MRPS6: variants seen among roughly 807,000 people sequenced by gnomAD.
The protein encoded by MRPS6 is mitochondrial ribosomal protein S6, also known as small ribosomal subunit protein bS6m.
In MRPS6, 6 loss-of-function variants were observed where a neutral mutation model predicts 13.1. The observed-to-expected ratio is 0.46, with a 90% CI of 0.25 to 0.91. The LOEUF (loss-of-function observed/expected upper bound fraction) is 0.91. Ranked by LOEUF, MRPS6 falls within the 40% of genes least tolerant of loss-of-function variation. The probability of loss-of-function intolerance (pLI) is 0.18; values close to 1 mark genes in which losing one functional copy is unlikely to be tolerated. For missense variants in MRPS6, 164 were observed against 155.6 expected, an observed-to-expected ratio of 1.05 and a Z score of -0.29; for synonymous variants, 61 against 56.5, an observed-to-expected ratio of 1.08 and a Z score of -0.36.
chr21:34,082,456 G>A (rs1989480715), intron 1 of MRPS6, among the ~76,000 whole-genome samples: 1 of 151,992 alleles, frequency 6.6e-6, no homozygotes, highest in African/African-American at 2.4e-5. Flanking sequence ...AGTACTATTT[G>A]GTTTGTACCC....
chr21:34,107,360 A>G (rs1569420270), intron 1 of MRPS6, among the ~76,000 whole-genome samples: 1 of 152,236 alleles, frequency 6.6e-6, no homozygotes, highest in East Asian at 1.9e-4. Flanking sequence ...AAGTGATGCT[A>G]CATCCCTAAA....
chr21:34,086,690 G>C (rs910836439), intron 1 of MRPS6, among the ~76,000 whole-genome samples: 1 of 152,144 alleles, frequency 6.6e-6, no homozygotes, highest in African/African-American at 2.4e-5. Flanking sequence ...TCTGCCTCTT[G>C]GGGTTTTTGT....
At chr21:34,118,761 C>T (rs1031560698) in intron 1 of MRPS6, among the ~76,000 whole-genome samples, 35 of 152,046 alleles carry the variant, frequency 2.3e-4, no homozygotes, top group Non-Finnish European at 2.4e-4. Flanking sequence ...GTGATCTGCC[C>T]GCCTTGGCAT....
chr21:34,112,714 C>T (rs553830666), intron 1 of MRPS6, among the ~76,000 whole-genome samples: 1 of 152,062 alleles, frequency 6.6e-6, no homozygotes, highest in African/African-American at 2.4e-5. Flanking sequence ...AGCTCCCAAT[C>T]CCCCCTCCCC....
chr21:34,126,975 G>A (rs762562389), intron 2 of MRPS6, among the ~76,000 whole-genome samples: 32 of 152,214 alleles, frequency 2.1e-4, no homozygotes, highest in Non-Finnish European at 3.4e-4. Context: ...GTGGGTAGCC[G>A]TTTCTCTTTA....
intron 1 of MRPS6, among the ~76,000 whole-genome samples, chr21:34,081,715 C>G (rs530750774): frequency 1.3e-5 from 2 of 152,208 alleles, no homozygotes; most frequent in African/African-American, 4.8e-5. Context: ...GTTATGTGAC[C>G]TTGGAGGTAG....
In MRPS6 at chr21:34,096,632, T is replaced by C. The variant is rs368456491; in HGVS notation, c.45+22887T>C. 9 of 1,614,050 alleles carry C rather than the reference T, an allele frequency of 5.6e-6. No homozygotes were observed. The highest frequency in any genetic ancestry group is 6.8e-6 in the Non-Finnish European group (8 of 1,179,998). ...CTTTCTATGGTGGAATGGCTGGCTTTGTTCTTGGAGCAGTCCGTTTGATAC... is the reference window on the plus strand; with the variant it reads ...CTTTCTATGGTGGAATGGCTGGCTTCGTTCTTGGAGCAGTCCGTTTGATAC... On this transcript the variant is annotated intron_variant, in intron 1 of 2. Transcript: ENST00000399312. The surrounding 1 kb of genome is among the most constrained non-coding windows in gnomAD (Gnocchi z 5.9).
chr21:34,101,261 T>G, intron 1 of MRPS6: 1 of 1,000,210 alleles, frequency 1.0e-6, no homozygotes, highest in Non-Finnish European at 1.2e-6. Context: ...TGAAGCACCT[T>G]GGCTCTCAGC....
At chr21:34,090,066 C>G (rs570192214) in intron 1 of MRPS6, among the ~76,000 whole-genome samples, 1 of 152,248 alleles carries the variant, frequency 6.6e-6, no homozygotes, top group African/African-American at 2.4e-5. Context: ...AGCATCATGT[C>G]AGTTCTCAAA....
At chr21:34,090,766 G>C (rs746550010) in intron 1 of MRPS6, among the ~76,000 whole-genome samples, 3 of 152,204 alleles carry the variant, frequency 2.0e-5, no homozygotes, top group Non-Finnish European at 4.4e-5. Context: ...AAGCCAGACA[G>C]TTGAGACTTG....
intron 1 of MRPS6, among the ~76,000 whole-genome samples, chr21:34,083,695 A>G (rs916043897): frequency 5.3e-5 from 8 of 152,310 alleles, no homozygotes; most frequent in Admixed American, 3.9e-4. Flanking sequence ...CCAAGTTTCC[A>G]TTAGGCAGCC....
At chr21:34,088,324 G>C (rs1978502658) in intron 1 of MRPS6, among the ~76,000 whole-genome samples, 1 of 152,188 alleles carries the variant, frequency 6.6e-6, no homozygotes, top group Admixed American at 6.5e-5. Flanking sequence ...GTTGAACTTG[G>C]ATGGTGAGAA....
rs114679974 is a variant in MRPS6 at position 34,094,620 on chromosome 21, T to G, written c.45+20875T>G. On this transcript the variant is annotated intron_variant, in intron 1 of 2. Transcript: ENST00000399312. ...CAGTTAGCTGCTGAAGTTAGGCCAC[T>G]TAGTTATGAGGTAGATGAATTTCTG... Among the ~76,000 whole-genome samples the G allele has an allele frequency of 7.6e-3, 1,153 of 152,352 alleles. 16 individuals are homozygous for G. Among genetic ancestry groups the G allele is most frequent in the African/African-American group, 0.026 (1,096 of 41,580 alleles).
chr21:34,104,504 A>AT, intron 1 of MRPS6: 1 of 995,668 alleles, frequency 1.0e-6, no homozygotes, highest in Non-Finnish European at 1.2e-6. Flanking sequence ...CTTTTATATA[A>AT]TTATCCTTTT....
At chr21:34,077,814 T>C (rs1989369509) in intron 1 of MRPS6, among the ~76,000 whole-genome samples, 1 of 152,214 alleles carries the variant, frequency 6.6e-6, no homozygotes, top group East Asian at 1.9e-4. Flanking sequence ...GTTCCTAAAA[T>C]GTAGAAAACA....
At chr21:34,106,230 T>G in intron 1 of MRPS6, 1 of 934,970 alleles carries the variant, frequency 1.1e-6, no homozygotes, top group South Asian at 5.0e-5. Flanking sequence ...TTAGCAATTC[T>G]GTACCAACTT....
At chr21:34,131,148 A>G (rs898679681) in intron 2 of MRPS6, among the ~76,000 whole-genome samples, 10 of 152,232 alleles carry the variant, frequency 6.6e-5, no homozygotes, top group South Asian at 2.1e-4. Context: ...AAAACTAGCT[A>G]TTTGGAGAGC....
intron 2 of MRPS6, among the ~76,000 whole-genome samples, chr21:34,137,068 G>T (rs1462214917): frequency 6.6e-6 from 1 of 152,026 alleles, no homozygotes; most frequent in African/African-American, 2.4e-5. Context: ...TGTCTTGATG[G>T]CCATAGCTTT....
intron 1 of MRPS6, chr21:34,124,567 A>G (rs1391400969): frequency 6.9e-6 from 1 of 144,234 alleles, no homozygotes; most frequent in African/African-American, 2.6e-5. Flanking sequence ...ATACCCGTCT[A>G]TCTCCTCAGC....
Sources: allele counts gnomAD v4.1 joint callset (sites outside exome capture counted in the v4.1 genomes callset), GRCh38; gene constraint gnomAD v4.1.1; non-coding constraint Gnocchi (gnomAD v3.1); transcripts MANE v1.5; gene names NCBI Gene and HGNC (gene_info 2026-07-23, HGNC 2026-07-21).